DLGAP2: variants seen among roughly 807,000 people sequenced by gnomAD.
The protein encoded by DLGAP2 is DLG associated protein 2.
In DLGAP2, 26 loss-of-function variants were observed where a neutral mutation model predicts 100.3. The observed-to-expected ratio is 0.26, with a 90% CI of 0.19 to 0.36. The LOEUF (loss-of-function observed/expected upper bound fraction) is 0.36, where lower values mean the gene tolerates loss of function less well. Ranked by LOEUF, DLGAP2 falls within the 10% of genes least tolerant of loss-of-function variation. The pLI, the probability that DLGAP2 is intolerant of heterozygous loss-of-function variation, is 1.00. For missense variants in DLGAP2, 1,858 were observed against 1,453.2 expected, an observed-to-expected ratio of 1.28 and a Z score of -4.53; for synonymous variants, 886 against 630.1, an observed-to-expected ratio of 1.41 and a Z score of -6.08.
chr8:1,678,319 G>C lies in DLGAP2; in HGVS notation c.2394G>C (p.Gln798His), dbSNP rs763906065. 2 of 1,614,032 alleles carry C rather than the reference G, an allele frequency of 1.2e-6. No homozygotes were observed. The highest frequency in any genetic ancestry group is 2.2e-5 in the East Asian group (1 of 44,884). ...TCACCACGGAGGACAAAGGCCTTCA[G>C]TTCGGCTCATCCTTCCAGCGGCACT... ...GHITTEDKGLQFGSSFQRHSE... is the reference protein window; with the variant it reads ...GHITTEDKGLHFGSSFQRHSE... The change falls in exon 12 of 15, where the codon CAG becomes CAC. Residue 798 changes from glutamine (Q) to histidine (H), a missense_variant. Coordinates refer to ENST00000637795, the MANE Select transcript of DLGAP2 (RefSeq NM_001346810.2).
chr8:1,617,022 A>G (rs146323804), intron 6 of DLGAP2, among the ~76,000 whole-genome samples: 1,689 of 152,300 alleles, frequency 0.011, 41 homozygotes, highest in African/African-American at 0.039. Flanking sequence ...GCTAAGGATA[A>G]TGGCCTCCAG....
intron 1 of DLGAP2, among the ~76,000 whole-genome samples, chr8:804,892 G>C (rs1233241841): frequency 6.6e-6 from 1 of 152,080 alleles, no homozygotes; most frequent in African/African-American, 2.4e-5. Flanking sequence ...CAACCACTGA[G>C]TAGCTGGGAC....
At chr8:1,626,166 C>T (rs1171655502) in intron 6 of DLGAP2, among the ~76,000 whole-genome samples, 1 of 145,924 alleles carries the variant, frequency 6.9e-6, no homozygotes, top group Non-Finnish European at 1.5e-5. Context: ...GTGGGTTGGA[C>T]GGCTGTTCCC....
At chr8:1,631,058 G>A (rs1207736450) in intron 7 of DLGAP2, among the ~76,000 whole-genome samples, 1 of 151,828 alleles carries the variant, frequency 6.6e-6, no homozygotes, top group East Asian at 2.0e-4. Flanking sequence ...TGCCCCAAGG[G>A]TCTGGGCGGG....
At chr8:1,670,852 G>C (rs1230922038) in intron 10 of DLGAP2, among the ~76,000 whole-genome samples, 1 of 152,236 alleles carries the variant, frequency 6.6e-6, no homozygotes, top group Non-Finnish European at 1.5e-5. Context: ...GCCACTGCAG[G>C]AGTAAAGGGG....
At chr8:1,318,339 T>C (rs907734641) in intron 3 of DLGAP2, among the ~76,000 whole-genome samples, 1 of 152,042 alleles carries the variant, frequency 6.6e-6, no homozygotes, top group Non-Finnish European at 1.5e-5. Context: ...CAGCTTTACT[T>C]TCCTGGATTT....
At chr8:1,204,890 G>C (rs546015949) in intron 2 of DLGAP2, among the ~76,000 whole-genome samples, 42 of 152,326 alleles carry the variant, frequency 2.8e-4, no homozygotes, top group African/African-American at 9.4e-4. Context: ...GCCTGGACTT[G>C]GTCCCAGAGC....
intron 3 of DLGAP2, among the ~76,000 whole-genome samples, chr8:1,485,934 G>A (rs1187025035): frequency 1.3e-5 from 2 of 152,196 alleles, no homozygotes; most frequent in Non-Finnish European, 2.9e-5. Flanking sequence ...GGCTGAGGCA[G>A]GAGGATCGCT....
intron 3 of DLGAP2, among the ~76,000 whole-genome samples, chr8:1,453,791 A>C (rs562960558): frequency 1.3e-5 from 2 of 152,236 alleles, no homozygotes; most frequent in South Asian, 2.1e-4. Context: ...ACATACTCCC[A>C]ACCCATAAGG....
At chr8:1,050,202 A>T (rs895549675) in intron 2 of DLGAP2, among the ~76,000 whole-genome samples, 1 of 152,262 alleles carries the variant, frequency 6.6e-6, no homozygotes, top group Non-Finnish European at 1.5e-5. Flanking sequence ...AATATTCATT[A>T]TAAATTGTAA....
At chr8:1,139,556 A>G (rs1796484821) in intron 2 of DLGAP2, among the ~76,000 whole-genome samples, 1 of 152,140 alleles carries the variant, frequency 6.6e-6, no homozygotes, top group African/African-American at 2.4e-5. Flanking sequence ...CAAAGCCATC[A>G]CCTTGGGGGT....
At chr8:823,682 G>T (rs1002111112) in intron 1 of DLGAP2, among the ~76,000 whole-genome samples, 4 of 152,138 alleles carry the variant, frequency 2.6e-5, no homozygotes, top group African/African-American at 9.7e-5. Context: ...GCCTCCAGCT[G>T]CCAGAGATGT....
At chr8:1,288,533 C>T (rs1273295570) in intron 3 of DLGAP2, among the ~76,000 whole-genome samples, 17 of 82,776 alleles carry the variant, frequency 2.1e-4, no homozygotes, top group African/African-American at 8.9e-4. Context: ...GAACTAGTTT[C>T]AGTTGAGTGT....
At chr8:1,295,149 G>A (rs895404267) in intron 3 of DLGAP2, among the ~76,000 whole-genome samples, 9 of 152,124 alleles carry the variant, frequency 5.9e-5, no homozygotes, top group African/African-American at 1.4e-4. Flanking sequence ...CGTCTCCTTG[G>A]GTGTCTGCGT....
At chr8:1,686,157 T>C (rs537189899) in intron 12 of DLGAP2, among the ~76,000 whole-genome samples, 10 of 152,256 alleles carry the variant, frequency 6.6e-5, no homozygotes, top group Admixed American at 6.5e-4. Flanking sequence ...TTAGCCAAGA[T>C]ATGGAAGAGA....
At chr8:1,253,756 C>G (rs950218559) in intron 2 of DLGAP2, among the ~76,000 whole-genome samples, 5 of 152,192 alleles carry the variant, frequency 3.3e-5, no homozygotes, top group African/African-American at 1.2e-4. Flanking sequence ...TTAAGTGAGA[C>G]TCTGCACTAA....
intron 2 of DLGAP2, among the ~76,000 whole-genome samples, chr8:982,166 T>G: frequency 6.6e-6 from 1 of 152,220 alleles, no homozygotes; most frequent in East Asian, 1.9e-4. Context: ...GTTGTATAAC[T>G]CCACTGTGTC....
chr8:1,374,332 C>T (rs890128863), intron 3 of DLGAP2, among the ~76,000 whole-genome samples: 1 of 151,672 alleles, frequency 6.6e-6, no homozygotes, highest in Admixed American at 6.6e-5. Context: ...CCCATGCAGC[C>T]CGCAAAACAC....
intron 2 of DLGAP2, among the ~76,000 whole-genome samples, chr8:1,056,772 T>C: frequency 6.6e-6 from 1 of 152,254 alleles, no homozygotes; most frequent in Non-Finnish European, 1.5e-5. Flanking sequence ...TCTCAGTTTC[T>C]TCAGTTGTAA....
Sources: allele counts gnomAD v4.1 joint callset (sites outside exome capture counted in the v4.1 genomes callset), GRCh38; gene constraint gnomAD v4.1.1; transcripts MANE v1.5; gene names NCBI Gene and HGNC (gene_info 2026-07-23, HGNC 2026-07-21).